KALRN: variants seen among roughly 807,000 people sequenced by gnomAD.
KALRN encodes kalirin.
In KALRN, 70 loss-of-function variants were observed where a neutral mutation model predicts 353.7. That is an observed-to-expected ratio of 0.20 (90% CI 0.16 to 0.24). The LOEUF (loss-of-function observed/expected upper bound fraction) is 0.24, where lower values mean the gene tolerates loss of function less well. Among genes scored for constraint, KALRN ranks in the 10% least tolerant of loss-of-function variants. The pLI is 1.00. For synonymous variants in KALRN, 1,391 were observed against 1,434.8 expected (o/e 0.97, Z 0.69); for missense variants, 2,791 against 3,756.7 (o/e 0.74, Z 6.72).
chr3:124,155,638 G>A (rs1256848813), intron 1 of KALRN, among the ~76,000 whole-genome samples: 1 of 152,202 alleles, frequency 6.6e-6, no homozygotes, highest in Non-Finnish European at 1.5e-5. Flanking sequence ...ATTAGAAGAT[G>A]GATATGGAGT....
chr3:124,662,505 TGTGA>T (rs1445525992), intron 45 of KALRN, among the ~76,000 whole-genome samples: 1 of 152,170 alleles, frequency 6.6e-6, no homozygotes, highest in South Asian at 2.1e-4. Context: ...AAGCAGGGAC[TGTGA>T]GTGACAGCAG....
At chr3:124,417,690 A>G (rs1439157547) in intron 14 of KALRN, among the ~76,000 whole-genome samples, 1 of 152,216 alleles carries the variant, frequency 6.6e-6, no homozygotes, top group Non-Finnish European at 1.5e-5. Context: ...CTGGGTTGAA[A>G]TCCCGGCCAC....
intron 1 of KALRN, among the ~76,000 whole-genome samples, chr3:124,190,923 C>A (rs1363172405): frequency 6.6e-6 from 1 of 152,186 alleles, no homozygotes; most frequent in Non-Finnish European, 1.5e-5. Context: ...ACTTCAGATA[C>A]CAATCATCAG....
At chr3:124,050,362 T>C (rs1401899231) in intron 1 of KALRN, among the ~76,000 whole-genome samples, 1 of 152,202 alleles carries the variant, frequency 6.6e-6, no homozygotes, top group Non-Finnish European at 1.5e-5. Context: ...CAGCACCAAG[T>C]GTGAGAAGAC....
At chr3:124,263,084 T>G (rs1035205117) in intron 3 of KALRN, among the ~76,000 whole-genome samples, 10 of 152,106 alleles carry the variant, frequency 6.6e-5, no homozygotes, top group African/African-American at 1.4e-4. Flanking sequence ...CTGACCTTCG[T>G]TTTTTTTCTT....
intron 14 of KALRN, among the ~76,000 whole-genome samples, chr3:124,419,611 G>A (rs1180085923): frequency 2.0e-5 from 3 of 152,112 alleles, no homozygotes; most frequent in African/African-American, 7.2e-5. Context: ...GGCCTGAAGA[G>A]GCAGAGATGG....
intron 33 of KALRN, among the ~76,000 whole-genome samples, chr3:124,540,699 A>C (rs115115555): frequency 6.6e-6 from 1 of 151,980 alleles, no homozygotes; most frequent in East Asian, 1.9e-4. Flanking sequence ...TCAGTCCAGA[A>C]CTCTTGACAT....
rs59454658 is a variant in KALRN at position 124,041,757 on chromosome 3, T to A, written c.73+7944T>A. On this transcript the variant is annotated intron_variant, in intron 1 of 59. Coordinates refer to ENST00000682506, the MANE Select transcript of KALRN (RefSeq NM_001388419.1). ...AGAGTCCTCCTGCCACTCCTTTGTG[T>A]ATGAATGACTGGCAGCGAAAATAAC... Among the ~76,000 whole-genome samples, 932 of 152,302 alleles carry A rather than the reference T, an allele frequency of 6.1e-3. 6 individuals carry two copies. The highest frequency in any genetic ancestry group is 0.02 in the African/African-American group (816 of 41,562).
At chr3:124,461,989 T>C (rs1404183729) in intron 24 of KALRN, 33 bp downstream of exon 24, 5 of 1,522,418 alleles carry the variant, frequency 3.3e-6, no homozygotes, top group Non-Finnish European at 4.5e-6. Context: ...CACAGCTATA[T>C]TGGAAAAATG....
intron 33 of KALRN, among the ~76,000 whole-genome samples, chr3:124,549,377 A>G (rs2070170750): frequency 6.6e-6 from 1 of 151,530 alleles, no homozygotes; most frequent in Admixed American, 6.6e-5. Flanking sequence ...AATCTCACAC[A>G]CACACAATCA....
intron 1 of KALRN, among the ~76,000 whole-genome samples, chr3:124,223,783 C>A (rs1040523053): frequency 6.6e-6 from 1 of 152,142 alleles, no homozygotes; most frequent in South Asian, 2.1e-4. Flanking sequence ...TTACCATTGC[C>A]GTGTAAGGTC....
chr3:124,423,056 G>A (rs1259799826), intron 15 of KALRN, 78 bp downstream of exon 15: 1 of 1,450,546 alleles, frequency 6.9e-7, no homozygotes, highest in African/African-American at 1.4e-5. Context: ...CTGGTATGAG[G>A]TAAGGCATAC....
intron 1 of KALRN, among the ~76,000 whole-genome samples, chr3:124,205,135 G>T (rs2076302249): frequency 6.6e-6 from 1 of 152,212 alleles, no homozygotes; most frequent in African/African-American, 2.4e-5. Flanking sequence ...TCAGTGACGT[G>T]CTGGCAATGT....
chr3:124,639,449 G>C (rs887279181), intron 37 of KALRN, among the ~76,000 whole-genome samples: 4 of 152,138 alleles, frequency 2.6e-5, no homozygotes, highest in Non-Finnish European at 5.9e-5. Context: ...TGCTCTATTA[G>C]TATAAAAAAG....
At chr3:124,698,455 A>G (rs1445135721) in intron 55 of KALRN, among the ~76,000 whole-genome samples, 2 of 152,228 alleles carry the variant, frequency 1.3e-5, no homozygotes, top group Admixed American at 1.3e-4. Flanking sequence ...TGTTTTGGCT[A>G]AGATGATCCA....
At chr3:124,132,772 T>A (rs996362656) in intron 1 of KALRN, among the ~76,000 whole-genome samples, 1 of 152,204 alleles carries the variant, frequency 6.6e-6, no homozygotes, top group African/African-American at 2.4e-5. Context: ...ACATTCCAAG[T>A]TCTTTCATGA....
intron 2 of KALRN, among the ~76,000 whole-genome samples, chr3:124,228,665 C>T (rs911892345): frequency 2.6e-5 from 4 of 152,168 alleles, no homozygotes; most frequent in African/African-American, 9.7e-5. Context: ...TGGTACACAG[C>T]AATGTGTATT....
intron 1 of KALRN, among the ~76,000 whole-genome samples, chr3:124,067,819 T>C (rs1384717775): frequency 6.6e-6 from 1 of 152,228 alleles, no homozygotes; most frequent in African/African-American, 2.4e-5. Flanking sequence ...GTTATCCTGA[T>C]GAACTGCTCT....
chr3:124,242,528 A>G (rs572198299), intron 3 of KALRN, among the ~76,000 whole-genome samples: 1 of 152,262 alleles, frequency 6.6e-6, no homozygotes, highest in East Asian at 1.9e-4. Context: ...TAAGAAGGTG[A>G]ACTCTGAAGG....
Sources: gnomAD v4.1 joint callset for allele counts (sites outside exome capture counted in the v4.1 genomes callset) on GRCh38, gnomAD v4.1.1 for gene constraint, MANE v1.5 for transcripts, NCBI Gene and HGNC (gene_info 2026-07-23, HGNC 2026-07-21) for gene names.